Variants in FAM222B observed in about 807,000 individuals in gnomAD.
The protein encoded by FAM222B is protein FAM222B.
A neutral mutation model predicts 38.0 loss-of-function variants in FAM222B; 12 were observed. The ratio of observed to expected loss-of-function variants is 0.32; its 90% CI spans 0.20 to 0.51. The LOEUF (loss-of-function observed/expected upper bound fraction) is 0.51. FAM222B is among the 20% of genes least tolerant of loss of function. FAM222B has a pLI of 0.97. For synonymous variants in FAM222B, 329 were observed against 317.2 expected (o/e 1.04, Z -0.40); for missense variants, 716 against 754.2 (o/e 0.95, Z 0.59).
chr17:28,758,104 A>T lies in FAM222B; in HGVS notation c.*166T>A. ...CCAAAAGTTGCTGGAGGGGAGGACG[A>T]GAGGACCCCTTCTGTCCCCACTTAG... is the stretch of plus-strand genomic sequence containing the variant. On this transcript the variant is annotated 3_prime_UTR_variant, in exon 3 of 3. Coordinates refer to ENST00000581407, the MANE Select transcript of FAM222B (RefSeq NM_001077498.3). 1.7e-6 allele frequency: 1 copy of T among 605,362 alleles called. No homozygotes were observed. The allele number at this position is 605,362 out of a possible 1,614,324, so 37.5% of individuals were successfully genotyped here.
At chr17:28,796,006 T>C (rs1597944478) in intron 1 of FAM222B, among the ~76,000 whole-genome samples, 1 of 152,308 alleles carries the variant, frequency 6.6e-6, no homozygotes, top group African/African-American at 2.4e-5. Context: ...AAGGACAGTA[T>C]GTTTTAATTG....
At chr17:28,831,012 T>C in intron 1 of FAM222B, among the ~76,000 whole-genome samples, 2 of 115,678 alleles carry the variant, frequency 1.7e-5, no homozygotes, top group Admixed American at 1.9e-4. Flanking sequence ...TTTTTTTTTT[T>C]TGAGACGGAG....
chr17:28,790,915 T>TTTTTTTTTTTTTTTTTA (rs752443903), intron 1 of FAM222B, among the ~76,000 whole-genome samples: 2 of 121,044 alleles, frequency 1.7e-5, no homozygotes, highest in Non-Finnish European at 3.4e-5. Context: ...TTTTTTTTTT[T>TTTTTTTTTTTTTTTTTA]AGAGACAGAA....
intron 1 of FAM222B, chr17:28,849,086 C>G (rs2039164566): frequency 6.6e-6 from 1 of 151,972 alleles, no homozygotes; most frequent in Non-Finnish European, 1.5e-5. Context: ...ATGGTGAAAT[C>G]TCGTCTCCAC....
intron 1 of FAM222B, among the ~76,000 whole-genome samples, chr17:28,786,330 G>A (rs923847764): frequency 2.0e-5 from 3 of 152,124 alleles, no homozygotes; most frequent in South Asian, 4.1e-4. Context: ...AGGTAAATCC[G>A]CTGGGAAAAT....
At chr17:28,773,810 A>G (rs1201104688) in intron 1 of FAM222B, among the ~76,000 whole-genome samples, 1 of 152,162 alleles carries the variant, frequency 6.6e-6, no homozygotes, top group East Asian at 1.9e-4. Context: ...AAAAAAAAAA[A>G]GAATTCTGGG....
At chr17:28,801,775 A>G (rs2037242204) in intron 1 of FAM222B, among the ~76,000 whole-genome samples, 1 of 152,114 alleles carries the variant, frequency 6.6e-6, no homozygotes, top group African/African-American at 2.4e-5. Flanking sequence ...TTTCCTTTTA[A>G]AGTAGATTAA....
chr17:28,838,058 G>C (rs970907618), intron 1 of FAM222B, among the ~76,000 whole-genome samples: 4 of 151,882 alleles, frequency 2.6e-5, no homozygotes, highest in Non-Finnish European at 4.4e-5. Flanking sequence ...TTGAGGTCAG[G>C]AGTTCGAGAC....
At chr17:28,783,229 A>G (rs538257301) in intron 1 of FAM222B, among the ~76,000 whole-genome samples, 34 of 152,144 alleles carry the variant, frequency 2.2e-4, no homozygotes, top group Non-Finnish European at 4.4e-4. Flanking sequence ...ACAGAAACAT[A>G]AAATTGACAG....
chr17:28,826,959 A>G (rs1393359372), intron 1 of FAM222B, among the ~76,000 whole-genome samples: 1 of 152,102 alleles, frequency 6.6e-6, no homozygotes, highest in Admixed American at 6.6e-5. Context: ...TTGGCAATAT[A>G]GCAAGACCTT....
chr17:28,813,666 G>A (rs1400863945), intron 1 of FAM222B, among the ~76,000 whole-genome samples: 1 of 151,464 alleles, frequency 6.6e-6, no homozygotes, highest in Non-Finnish European at 1.5e-5. Context: ...AGCTGGAGTA[G>A]CTGGGACTAC....
At chr17:28,827,591 G>A (rs1435213220) in intron 1 of FAM222B, among the ~76,000 whole-genome samples, 2 of 152,158 alleles carry the variant, frequency 1.3e-5, no homozygotes, top group Non-Finnish European at 2.9e-5. Context: ...ACTGCCTTGG[G>A]AACAGGGAAG....
At chr17:28,845,168 G>C (rs778783975), upstream of FAM222B, among the ~76,000 whole-genome samples, 1 of 151,718 alleles carries the variant, frequency 6.6e-6, no homozygotes, top group East Asian at 1.9e-4. Flanking sequence ...TTGGGAGGTC[G>C]AGGTGGGCGG....
chr17:28,801,369 T>G (rs2151901300), intron 1 of FAM222B, among the ~76,000 whole-genome samples: 1 of 144,190 alleles, frequency 6.9e-6, no homozygotes, highest in Non-Finnish European at 1.5e-5. Context: ...AGGAGAATGG[T>G]GTGAACCCCG....
chr17:28,820,357 G>A (rs190996153), intron 1 of FAM222B, among the ~76,000 whole-genome samples: 3 of 152,298 alleles, frequency 2.0e-5, no homozygotes, highest in Non-Finnish European at 1.5e-5. Context: ...TATGGAACAA[G>A]GAGTGTTAGT....
chr17:28,763,295 T>C (rs1415519253), intron 2 of FAM222B, among the ~76,000 whole-genome samples: 1 of 152,196 alleles, frequency 6.6e-6, no homozygotes, highest in African/African-American at 2.4e-5. Context: ...TTTCACTAAA[T>C]GAGCATTTTC....
At chr17:28,830,101 G>A (rs1439415998) in intron 1 of FAM222B, among the ~76,000 whole-genome samples, 1 of 150,892 alleles carries the variant, frequency 6.6e-6, no homozygotes, top group Non-Finnish European at 1.5e-5. Context: ...CACCCACCTC[G>A]GCCTCCCAAA....
intron 2 of FAM222B, among the ~76,000 whole-genome samples, chr17:28,766,022 G>T (rs896180899): frequency 1.3e-5 from 2 of 151,906 alleles, no homozygotes; most frequent in African/African-American, 4.8e-5. Context: ...TCCCTATGAA[G>T]GTTCAAACTG....
chr17:28,816,031 T>G (rs2038010912), intron 1 of FAM222B, among the ~76,000 whole-genome samples: 1 of 149,290 alleles, frequency 6.7e-6, no homozygotes, highest in South Asian at 2.1e-4. Flanking sequence ...TCCTAGCACC[T>G]TGGGATGCTG....
Sources: gnomAD v4.1 joint callset for allele counts (sites outside exome capture counted in the v4.1 genomes callset) on GRCh38, gnomAD v4.1.1 for gene constraint, MANE v1.5 for transcripts, NCBI Gene and HGNC (gene_info 2026-07-23, HGNC 2026-07-21) for gene names.